Variants in RORA observed in about 807,000 individuals in gnomAD.
The protein encoded by RORA is RAR related orphan receptor A, also known as nuclear receptor ROR-alpha.
RORA carries 7 observed loss-of-function variants against 69.5 expected under a neutral mutation model. That is an observed-to-expected ratio of 0.10 (90% confidence interval 0.06 to 0.19). RORA has a LOEUF of 0.19. Among genes scored for constraint, RORA ranks in the 10% least tolerant of loss-of-function variants. The pLI, the probability that RORA is intolerant of heterozygous loss-of-function variation, is 1.00. For missense variants in RORA, 457 were observed against 663.0 expected, an observed-to-expected ratio of 0.69 and a Z score of 3.41; for synonymous variants, 261 against 240.8, an observed-to-expected ratio of 1.08 and a Z score of -0.78.
At chr15:60,529,572 A>T (rs1281988298) in intron 3 of RORA, 1 of 152,228 alleles carries the variant, frequency 6.6e-6, no homozygotes, top group East Asian at 1.9e-4. Flanking sequence ...AGCCACAGAT[A>T]ACTGAAAACC....
chr15:60,640,579 C>T (rs542494690), intron 2 of RORA, among the ~76,000 whole-genome samples: 26 of 152,290 alleles, frequency 1.7e-4, no homozygotes, highest in Non-Finnish European at 2.9e-4. Context: ...CCCTGCCTAC[C>T]GCTTTCCTTT....
chr15:61,008,256 G>A (rs932078693), intron 1 of RORA, among the ~76,000 whole-genome samples: 5 of 147,722 alleles, frequency 3.4e-5, no homozygotes, highest in African/African-American at 9.9e-5. Flanking sequence ...GTAAATGAAC[G>A]ACAAAAAATG....
At chr15:60,791,992 C>G (rs1464454206) in intron 1 of RORA, among the ~76,000 whole-genome samples, 2 of 151,150 alleles carry the variant, frequency 1.3e-5, no homozygotes, top group Non-Finnish European at 2.9e-5. Context: ...TCAGATAATG[C>G]CCTTAGCTGA....
intron 2 of RORA, among the ~76,000 whole-genome samples, chr15:60,584,873 C>T (rs2068287496): frequency 6.6e-6 from 1 of 152,162 alleles, no homozygotes; most frequent in African/African-American, 2.4e-5. Context: ...TGATCTGAAA[C>T]TTAACCACAA....
At chr15:61,212,498 C>T (rs773476374) in intron 1 of RORA, among the ~76,000 whole-genome samples, 18 of 152,178 alleles carry the variant, frequency 1.2e-4, no homozygotes, top group Non-Finnish European at 2.9e-5. Flanking sequence ...CTCCCAGGTT[C>T]GGGTGATTCT....
chr15:60,535,601 T>C (rs2066650696), intron 2 of RORA, among the ~76,000 whole-genome samples: 2 of 152,290 alleles, frequency 1.3e-5, no homozygotes, highest in African/African-American at 4.8e-5. Context: ...GAACAAGAAC[T>C]TGGGCACTAG....
At chr15:61,176,848 T>C (rs2079633507) in intron 1 of RORA, among the ~76,000 whole-genome samples, 1 of 152,224 alleles carries the variant, frequency 6.6e-6, no homozygotes, top group Admixed American at 6.5e-5. Flanking sequence ...ACGGCATTTA[T>C]ACACTAACAA....
At chr15:61,173,624 A>G (rs1474993286) in intron 1 of RORA, among the ~76,000 whole-genome samples, 1 of 152,166 alleles carries the variant, frequency 6.6e-6, no homozygotes, top group Non-Finnish European at 1.5e-5. Flanking sequence ...TAACAAGTCA[A>G]ATAAAATCAA....
intron 1 of RORA, among the ~76,000 whole-genome samples, chr15:61,172,427 A>G (rs2079593146): frequency 6.6e-6 from 1 of 152,196 alleles, no homozygotes; most frequent in Admixed American, 6.5e-5. Flanking sequence ...CGGTTGGCTT[A>G]ACAGAGGCCA....
intron 2 of RORA, among the ~76,000 whole-genome samples, chr15:60,556,322 T>C (rs756099405): frequency 3.3e-5 from 5 of 152,054 alleles, no homozygotes; most frequent in Non-Finnish European, 5.9e-5. Flanking sequence ...ACCCTCAAAA[T>C]TGAGGGTGCT....
chr15:60,517,283 G>T (rs2065996099), intron 3 of RORA, among the ~76,000 whole-genome samples: 1 of 151,844 alleles, frequency 6.6e-6, no homozygotes, highest in Non-Finnish European at 1.5e-5. Context: ...GGACAGGGCA[G>T]GACCCTGACT....
At chr15:61,202,781 A>C (rs1355111694) in intron 1 of RORA, among the ~76,000 whole-genome samples, 1 of 152,108 alleles carries the variant, frequency 6.6e-6, no homozygotes, top group Non-Finnish European at 1.5e-5. Flanking sequence ...ACAAAAACAA[A>C]CAAACAAACA....
intron 2 of RORA, among the ~76,000 whole-genome samples, chr15:60,665,784 C>T (rs972008288): frequency 2.6e-5 from 4 of 152,146 alleles, no homozygotes; most frequent in Non-Finnish European, 4.4e-5. Flanking sequence ...AAGCAATTCT[C>T]GTGCCTCAGC....
intron 1 of RORA, among the ~76,000 whole-genome samples, chr15:60,732,808 C>A (rs181262300): frequency 5.9e-5 from 9 of 151,528 alleles, no homozygotes; most frequent in Admixed American, 4.6e-4. Flanking sequence ...CATACACTCA[C>A]ATACTTACAG....
chr15:60,528,953 C>T (rs2066447553), intron 3 of RORA: 1 of 152,182 alleles, frequency 6.6e-6, no homozygotes, highest in African/African-American at 2.4e-5. Flanking sequence ...TGTCTCTCTA[C>T]AGACAGCAAA....
At chr15:60,507,192 C>CA (rs1297460587) in intron 5 of RORA, among the ~76,000 whole-genome samples, 2 of 151,982 alleles carry the variant, frequency 1.3e-5, no homozygotes, top group Non-Finnish European at 1.5e-5. Context: ...AAAGAATTGA[C>CA]AAAATCCCAT....
chr15:60,540,185 T>C (rs1408187017), intron 2 of RORA, among the ~76,000 whole-genome samples: 1 of 152,214 alleles, frequency 6.6e-6, no homozygotes, highest in Non-Finnish European at 1.5e-5. Flanking sequence ...AACCTCACTC[T>C]AGATACCAAT....
In RORA at chr15:61,228,349, C is replaced by T. The variant is rs2080167486; in HGVS notation, c.166+704G>A. 2.0e-5 allele frequency among the ~76,000 whole-genome samples: 3 copies of T among 152,044 alleles called. No individual in the cohort carries two copies. In the South Asian group the frequency reaches 6.2e-4, roughly 32 times the overall value. ...CCCCGGTCTGCAAACTTGCGCATCTCCCCTCGCCGCGCCCGCCAGACAACT... is the reference window on the plus strand; with the variant it reads ...CCCCGGTCTGCAAACTTGCGCATCTTCCCTCGCCGCGCCCGCCAGACAACT... On this transcript the variant is annotated intron_variant, in intron 1 of 10. Transcript: ENST00000335670.
chr15:60,918,431 C>T (rs541099131), intron 1 of RORA, among the ~76,000 whole-genome samples: 7 of 152,118 alleles, frequency 4.6e-5, no homozygotes, highest in East Asian at 1.9e-4. Flanking sequence ...AGAGCAGGTA[C>T]GTATTTATTT....
Sources: allele counts gnomAD v4.1 joint callset (sites outside exome capture counted in the v4.1 genomes callset), GRCh38; gene constraint gnomAD v4.1.1; transcripts MANE v1.5; gene names NCBI Gene and HGNC (gene_info 2026-07-23, HGNC 2026-07-21).